The following SMIM14 variants were observed in gnomAD, a reference collection of about 807,000 sequenced individuals.
The protein encoded by SMIM14 is small integral membrane protein 14.
In SMIM14, 5 loss-of-function variants were observed where a neutral mutation model predicts 12.6. That is an observed-to-expected ratio of 0.40 (90% CI 0.21 to 0.83). The LOEUF (loss-of-function observed/expected upper bound fraction) is 0.83, where lower values mean the gene tolerates loss of function less well. SMIM14 is among the 40% of genes least tolerant of loss of function. The pLI is 0.37. For synonymous variants in SMIM14, 30 were observed against 40.1 expected (o/e 0.75, Z 0.95); for missense variants, 86 against 119.1 (o/e 0.72, Z 1.29).
chr4:39,563,947 G>C (rs1188446397), intron 3 of SMIM14, among the ~76,000 whole-genome samples: 1 of 149,114 alleles, frequency 6.7e-6, no homozygotes, highest in Non-Finnish European at 1.5e-5. Flanking sequence ...TTATTATTTT[G>C]AGACGGAGTC....
At chr4:39,580,600 T>C (rs555991508) in intron 2 of SMIM14, among the ~76,000 whole-genome samples, 1 of 152,084 alleles carries the variant, frequency 6.6e-6, no homozygotes, top group East Asian at 1.9e-4. Flanking sequence ...GATCTTGGCT[T>C]ACTGCAACCT....
intron 2 of SMIM14, among the ~76,000 whole-genome samples, chr4:39,591,053 C>A (rs537574186): frequency 4.8e-4 from 73 of 152,192 alleles, no homozygotes; most frequent in Non-Finnish European, 9.3e-4. Flanking sequence ...AATCCAGACA[C>A]TCAAATCCCT....
intron 2 of SMIM14, among the ~76,000 whole-genome samples, chr4:39,598,326 A>G (rs924709944): frequency 6.6e-6 from 1 of 152,224 alleles, no homozygotes; most frequent in Non-Finnish European, 1.5e-5. Flanking sequence ...AAACAGTTCT[A>G]TAAGGTTTGT....
intron 1 of SMIM14, among the ~76,000 whole-genome samples, chr4:39,619,480 C>A (rs1264366660): frequency 1.2e-3 from 69 of 59,688 alleles, no homozygotes; most frequent in African/African-American, 8.0e-3. Context: ...ATAATTTATT[C>A]TATATCAATA....
intron 3 of SMIM14, 59 bp from the exon 4 acceptor site, chr4:39,556,629 C>A (rs1712029504): frequency 1.4e-6 from 2 of 1,436,356 alleles, no homozygotes; most frequent in South Asian, 1.5e-5. Context: ...AAAACAAATT[C>A]TAATGTTTAA....
At chr4:39,606,071 C>A (rs571701368) in intron 1 of SMIM14, among the ~76,000 whole-genome samples, 1 of 152,094 alleles carries the variant, frequency 6.6e-6, no homozygotes, top group African/African-American at 2.4e-5. Context: ...TAAGGCCAGG[C>A]GCACTGGCTT....
chr4:39,619,486 C>A (rs1293594659), intron 1 of SMIM14, among the ~76,000 whole-genome samples: 3 of 69,352 alleles, frequency 4.3e-5, no homozygotes, highest in African/African-American at 8.1e-5. Context: ...TATTCTATAT[C>A]AATAAATATA....
intron 2 of SMIM14, among the ~76,000 whole-genome samples, chr4:39,584,538 G>A (rs1713687735): frequency 7.0e-6 from 1 of 143,140 alleles, no homozygotes; most frequent in Admixed American, 7.3e-5. Flanking sequence ...GCTCATGCCT[G>A]TATTCCCAAT....
Position 39,618,008 on chromosome 4 carries a change from C to G in SMIM14, c.-35-12828G>C, listed in dbSNP as rs566563838. ...TCAAAGACATCATCTGGATGCTTAC[C>G]ATAGTTGAGATGACAAACGGAAAAA... On this transcript the variant is annotated intron_variant, in intron 1 of 4. Transcript: ENST00000295958. Among the ~76,000 whole-genome samples, 287 of 152,162 alleles carry G rather than the reference C, an allele frequency of 1.9e-3. 1 individual carries two copies. Among genetic ancestry groups the G allele is most frequent in the Admixed American group, 0.015 (226 of 15,270 alleles).
At chr4:39,553,477 G>A (rs1490368542) in intron 4 of SMIM14, among the ~76,000 whole-genome samples, 1 of 152,052 alleles carries the variant, frequency 6.6e-6, no homozygotes, top group Non-Finnish European at 1.5e-5. Flanking sequence ...AAGTAAGAAA[G>A]AAGGCTAAGG....
chr4:39,574,241 T>C (rs946026690), intron 2 of SMIM14, among the ~76,000 whole-genome samples: 36 of 142,606 alleles, frequency 2.5e-4, no homozygotes, highest in South Asian at 6.3e-4. Context: ...AACTTTCTTT[T>C]TTTTTTTTTT....
At chr4:39,595,702 G>A (rs1714329176) in intron 2 of SMIM14, among the ~76,000 whole-genome samples, 1 of 149,542 alleles carries the variant, frequency 6.7e-6, no homozygotes, top group Non-Finnish European at 1.5e-5. Context: ...TCTGCCTCCT[G>A]GGCTCAAGCG....
intron 3 of SMIM14, among the ~76,000 whole-genome samples, chr4:39,568,798 A>G (rs1410856342): frequency 6.6e-6 from 1 of 152,208 alleles, no homozygotes; most frequent in Non-Finnish European, 1.5e-5. Context: ...AAATAATTCT[A>G]TCCCTCACAG....
At chr4:39,566,666 CT>C (rs1712588813) in intron 3 of SMIM14, among the ~76,000 whole-genome samples, 3 of 151,976 alleles carry the variant, frequency 2.0e-5, no homozygotes, top group Non-Finnish European at 4.4e-5. Context: ...AACCCTGTCT[CT>C]ACTAAAAATA....
chr4:39,592,120 CAGGAGTTCA>C (rs1412926040), intron 2 of SMIM14, among the ~76,000 whole-genome samples: 4 of 151,958 alleles, frequency 2.6e-5, no homozygotes, highest in African/African-American at 9.7e-5. Flanking sequence ...CGCTTGAGCC[CAGGAGTTCA>C]AGGCTGCAGT....
At chr4:39,635,652 C>T (rs1391173408) in intron 1 of SMIM14, among the ~76,000 whole-genome samples, 2 of 152,084 alleles carry the variant, frequency 1.3e-5, no homozygotes, top group Non-Finnish European at 2.9e-5. Flanking sequence ...ACATCTAGGA[C>T]TAATCATCCA....
intron 1 of SMIM14, among the ~76,000 whole-genome samples, chr4:39,632,417 T>C (rs1412027900): frequency 1.4e-5 from 2 of 145,328 alleles, no homozygotes; most frequent in Non-Finnish European, 1.5e-5. Context: ...GAGGCAGAGG[T>C]TGCAGTGAGC....
intron 1 of SMIM14, among the ~76,000 whole-genome samples, chr4:39,627,104 C>T (rs1332581863): frequency 6.6e-6 from 1 of 152,104 alleles, no homozygotes; most frequent in Non-Finnish European, 1.5e-5. Context: ...CTCACTGTGT[C>T]CTACTATGGT....
rs1161432581 is a variant in SMIM14 at position 39,547,429 on chromosome 4, A to C, written c.*4697T>G. The C allele has an allele frequency of 6.6e-6, 1 of 152,234 alleles. No individual in the cohort carries two copies. 9.4% of individuals were successfully genotyped at this position (152,234 alleles called of 1,614,324 possible). On this transcript the variant is annotated 3_prime_UTR_variant, in exon 5 of 5. Coordinates refer to ENST00000295958, the MANE Select transcript of SMIM14 (RefSeq NM_174921.3). The stretch of plus-strand genomic sequence containing the variant: ...AGACATAATTTGTTTGGCGTGATTT[A>C]AACATATAAAATCAGTAATTAACAT...
Sources: allele counts gnomAD v4.1 joint callset (sites outside exome capture counted in the v4.1 genomes callset), GRCh38; gene constraint gnomAD v4.1.1; transcripts MANE v1.5; gene names NCBI Gene and HGNC (gene_info 2026-07-23, HGNC 2026-07-21).